The following EPM2A variants were observed in gnomAD, a reference collection of about 807,000 sequenced individuals.
EPM2A encodes EPM2A glucan phosphatase, laforin, also known as laforin.
In EPM2A, 21 loss-of-function variants were observed where a neutral mutation model predicts 26.5. The observed-to-expected ratio is 0.79, with a 90% CI of 0.56 to 1.14. EPM2A has a LOEUF of 1.14. Among genes scored for constraint, EPM2A ranks in the 50% most tolerant of loss-of-function variants. The pLI, the probability that EPM2A is intolerant of heterozygous loss-of-function variation, is 0.00. For missense variants in EPM2A, 458 were observed against 440.8 expected, an observed-to-expected ratio of 1.04 and a Z score of -0.35; for synonymous variants, 217 against 177.6, an observed-to-expected ratio of 1.22 and a Z score of -1.76.
At chr6:145,555,089 A>G (rs1780710461) in intron 2 of EPM2A, among the ~76,000 whole-genome samples, 1 of 152,164 alleles carries the variant, frequency 6.6e-6, no homozygotes, top group African/African-American at 2.4e-5. Context: ...ATTAATGATC[A>G]CAGGCTCAGT....
intron 4 of EPM2A, among the ~76,000 whole-genome samples, chr6:145,470,511 G>A (rs1312686967): frequency 5.9e-5 from 9 of 152,084 alleles, no homozygotes; most frequent in Non-Finnish European, 1.2e-4. Context: ...AAATTGACTA[G>A]TCAATAATTT....
chr6:145,633,672 G>A (rs4896830), intron 3 of EPM2A: 1,655 of 152,330 alleles, frequency 0.011, 14 homozygotes, highest in Admixed American at 0.018. Context: ...TGGTCCTCAT[G>A]GTTTTTTATC....
chr6:145,622,449 A>G (rs1775657497), downstream of EPM2A, among the ~76,000 whole-genome samples: 1 of 152,114 alleles, frequency 6.6e-6, no homozygotes, highest in South Asian at 2.1e-4. Context: ...TGAAGTCATA[A>G]CCTCCATTAC....
At chr6:145,525,285 A>C (rs2114777876) in intron 2 of EPM2A, among the ~76,000 whole-genome samples, 1 of 151,510 alleles carries the variant, frequency 6.6e-6, no homozygotes, top group Non-Finnish European at 1.5e-5. Context: ...TTGGCGATTC[A>C]GGGTCTTTTT....
At chr6:145,444,399 T>G (rs908629458) in intron 4 of EPM2A, among the ~76,000 whole-genome samples, 1 of 152,244 alleles carries the variant, frequency 6.6e-6, no homozygotes, top group Non-Finnish European at 1.5e-5. Flanking sequence ...GAATCACATT[T>G]ATCTATTTGC....
In EPM2A at chr6:145,664,001, G is replaced by A. The variant is rs1778953198; in HGVS notation, c.476+22121C>T. On this transcript the variant is annotated intron_variant, in intron 2 of 3. Transcript: ENST00000367519. ...TCACCACCAAGCCTGCCCTAAAAGA[G>A]CTCCTGAAGGAAGCGCTAAACATCG... Among the ~76,000 whole-genome samples the A allele has an allele frequency of 4.9e-5, 4 of 82,060 alleles. 2 individuals are homozygous for A. In the Admixed American group the frequency reaches 6.2e-4, roughly 13 times the overall value. The allele number at this position is 82,060 out of a possible 152,430, so 53.8% of individuals were successfully genotyped here.
chr6:145,530,050 C>A (rs759780568), intron 2 of EPM2A, among the ~76,000 whole-genome samples: 1 of 152,110 alleles, frequency 6.6e-6, no homozygotes, highest in Non-Finnish European at 1.5e-5. Context: ...ATAAACAAAG[C>A]GAATTCTCTG....
chr6:145,439,601 G>A (rs1461511882), intron 4 of EPM2A, among the ~76,000 whole-genome samples: 8 of 151,950 alleles, frequency 5.3e-5, no homozygotes, highest in African/African-American at 1.7e-4. Context: ...CTTGTTGGCC[G>A]CATGTGGGTC....
At chr6:145,401,428 T>G (rs1970313) in intron 4 of EPM2A, among the ~76,000 whole-genome samples, 57,005 of 151,904 alleles carry the variant, frequency 0.38, 10,959 homozygotes, top group South Asian at 0.46. Flanking sequence ...ATTCTTATTT[T>G]ATTTCCAATT....
rs1043628938 is a variant in EPM2A, at chr6:145,626,108, T to C, written c.*1308A>G. 1 of 1,044,022 alleles carries C rather than the reference T, an allele frequency of 9.6e-7. No individual in the cohort carries two copies. The highest frequency in any genetic ancestry group is 1.7e-5 in the African/African-American group (1 of 59,648). The allele number at this position is 1,044,022 out of a possible 1,614,324, so 64.7% of individuals were successfully genotyped here. On this transcript the variant is annotated 3_prime_UTR_variant, in exon 4 of 4. Coordinates refer to ENST00000367519, the MANE Select transcript of EPM2A (RefSeq NM_005670.4). ...ATATGATTATATATCACCTTGCACA[T>C]AGAGGCTCTCAATTAAAAAAACACT... is the stretch of plus-strand genomic sequence containing the variant.
intron 4 of EPM2A, among the ~76,000 whole-genome samples, chr6:145,447,591 C>A (rs984974394): frequency 5.3e-5 from 8 of 152,010 alleles, no homozygotes; most frequent in Non-Finnish European, 1.2e-4. Flanking sequence ...GTTAATGGCT[C>A]AACATTGTCT....
At chr6:145,579,857 T>C (rs911106552) in intron 2 of EPM2A, among the ~76,000 whole-genome samples, 1 of 152,162 alleles carries the variant, frequency 6.6e-6, no homozygotes, top group East Asian at 1.9e-4. Flanking sequence ...TTCTGTACTG[T>C]TATTTTATTG....
At chr6:145,469,057 A>C (rs1240553872) in intron 4 of EPM2A, among the ~76,000 whole-genome samples, 1 of 152,156 alleles carries the variant, frequency 6.6e-6, no homozygotes, top group African/African-American at 2.4e-5. Flanking sequence ...TTATAAAAGA[A>C]AGAGGTTTAA....
intron 2 of EPM2A, among the ~76,000 whole-genome samples, chr6:145,619,919 G>T (rs1775595949): frequency 6.6e-6 from 1 of 152,082 alleles, no homozygotes; most frequent in South Asian, 2.1e-4. Flanking sequence ...AAACATTTTT[G>T]AAATAAAAAA....
At chr6:145,570,989 T>G (rs1030506695) in intron 2 of EPM2A, among the ~76,000 whole-genome samples, 7 of 152,184 alleles carry the variant, frequency 4.6e-5, no homozygotes, top group Non-Finnish European at 8.8e-5. Flanking sequence ...ACTTCCAGTT[T>G]AATAGAATTG....
intron 4 of EPM2A, among the ~76,000 whole-genome samples, chr6:145,451,619 C>G (rs972976345): frequency 1.3e-5 from 2 of 152,112 alleles, no homozygotes; most frequent in Non-Finnish European, 2.9e-5. Context: ...TAGGTATAGT[C>G]TATAAAGCCG....
rs1168529966 is a variant in EPM2A, at chr6:145,666,278, CA to C, written c.476+19843del. On this transcript the variant is annotated intron_variant, in intron 2 of 3. Coordinates refer to ENST00000367519, the MANE Select transcript of EPM2A (RefSeq NM_005670.4). ...TCTAGAAAACCCCATTGTCTCAGCC[CA>C]AAATCTCCTTAAGCTGATAAGCAAC... 7.4e-5 allele frequency among the ~76,000 whole-genome samples: 7 copies of C among 94,892 alleles called. 1 individual carries two copies. Among genetic ancestry groups the C allele is most frequent in the African/African-American group, 4.0e-4 (7 of 17,456 alleles). The allele number at this position is 94,892 out of a possible 152,430, so 62.3% of individuals were successfully genotyped here.
chr6:145,567,529 G>T (rs1202250388), intron 2 of EPM2A, among the ~76,000 whole-genome samples: 1 of 152,200 alleles, frequency 6.6e-6, no homozygotes, highest in Non-Finnish European at 1.5e-5. Flanking sequence ...GGTTCTTATT[G>T]ACACAGTCCA....
intron 2 of EPM2A, among the ~76,000 whole-genome samples, chr6:145,525,614 A>G (rs1780260531): frequency 6.6e-6 from 1 of 152,168 alleles, no homozygotes; most frequent in Non-Finnish European, 1.5e-5. Flanking sequence ...ATTGGCGTAT[A>G]GAAATGCTAC....
Sources: gnomAD v4.1 joint callset for allele counts (sites outside exome capture counted in the v4.1 genomes callset) on GRCh38, gnomAD v4.1.1 for gene constraint, MANE v1.5 for transcripts, NCBI Gene and HGNC (gene_info 2026-07-23, HGNC 2026-07-21) for gene names.